Variants in GNG2 observed in about 807,000 individuals in gnomAD.
GNG2 encodes G protein subunit gamma 2.
Under a neutral mutation model 5.5 loss-of-function variants are expected in GNG2, and 5 were observed. That is an observed-to-expected ratio of 0.91 (90% CI 0.48 to 1.92). GNG2 has a LOEUF of 1.92. Among genes scored for constraint, GNG2 ranks in the 30% most tolerant of loss-of-function variants. The pLI, the probability that GNG2 is intolerant of heterozygous loss-of-function variation, is 0.01. For missense variants in GNG2, 55 were observed against 88.4 expected (o/e 0.62, Z 1.52); for synonymous variants, 28 against 32.0 (o/e 0.88, Z 0.42).
At position 51,836,856 on chromosome 14, in the gene GNG2, C is replaced by CTTT. The variant is rs369095215; in HGVS notation, c.64+9066_64+9068dup. On this transcript the variant is annotated intron_variant, in intron 2 of 3. Transcript: ENST00000553432. ...ATATTATGATTTTAAGTGACTTCAT[C>CTTT]TTTTTTTTTTTTTTTTTTTGAGACA... Among the ~76,000 whole-genome samples the CTTT allele has an allele frequency of 1.8e-4, 23 of 130,652 alleles. 2 individuals carry two copies. The highest frequency in any genetic ancestry group is 8.5e-4 in the East Asian group (4 of 4,726). The allele number at this position is 130,652 out of a possible 152,430, so 85.7% of individuals were successfully genotyped here. A position where few individuals can be genotyped will look rare whatever the true frequency, so the allele number is the denominator to read the frequency against.
At chr14:51,935,273 C>T (rs937479462) in intron 2 of GNG2, among the ~76,000 whole-genome samples, 1 of 152,132 alleles carries the variant, frequency 6.6e-6, no homozygotes, top group African/African-American at 2.4e-5. Context: ...GATCCGGCCG[C>T]CTCGGCCTCC....
At chr14:51,954,717 C>T (rs1038434612) in intron 3 of GNG2, among the ~76,000 whole-genome samples, 4 of 152,180 alleles carry the variant, frequency 2.6e-5, no homozygotes, top group African/African-American at 9.7e-5. Context: ...CTGCCTCTTC[C>T]TTTTCCTGGG....
intron 2 of GNG2, among the ~76,000 whole-genome samples, chr14:51,841,154 T>C (rs1881470962): frequency 6.6e-6 from 1 of 152,062 alleles, no homozygotes; most frequent in African/African-American, 2.4e-5. Context: ...AACTCCAAAC[T>C]TACAAATGGA....
intron 2 of GNG2, among the ~76,000 whole-genome samples, chr14:51,850,501 C>T (rs766298563): frequency 6.6e-6 from 1 of 152,176 alleles, no homozygotes; most frequent in Non-Finnish European, 1.5e-5. Context: ...CCTATGGTTA[C>T]TGACAGTCGG....
chr14:51,854,513 T>C (rs982611552), intron 2 of GNG2, among the ~76,000 whole-genome samples: 15 of 151,998 alleles, frequency 9.9e-5, no homozygotes, highest in Admixed American at 7.2e-4. Context: ...TTTCTTTGTT[T>C]TTATTTTTAT....
exon 2 of GNG2, chr14:51,827,739 G>A (rs1389015326): frequency 4.3e-6 from 3 of 701,828 alleles, no homozygotes. Flanking sequence ...CTCTGGTCTA[G>A]GGGCATGCAG....
intron 2 of GNG2, among the ~76,000 whole-genome samples, chr14:51,898,398 C>A (rs1006887247): frequency 6.6e-6 from 1 of 152,110 alleles, no homozygotes; most frequent in Non-Finnish European, 1.5e-5. Flanking sequence ...GGAAGGCACA[C>A]CACAGACCTG....
chr14:51,928,866 CCTGG>C (rs1194677637), intron 2 of GNG2, among the ~76,000 whole-genome samples: 1 of 152,106 alleles, frequency 6.6e-6, no homozygotes, highest in East Asian at 1.9e-4. Flanking sequence ...AGCCACCGCG[CCTGG>C]CCGGGTGTTT....
intron 2 of GNG2, among the ~76,000 whole-genome samples, chr14:51,911,302 G>A (rs8020243): frequency 0.11 from 16,303 of 152,152 alleles, 1,482 homozygotes; most frequent in African/African-American, 0.25. Flanking sequence ...ATTCTGTTAC[G>A]GGGTAGGGAA....
At chr14:51,841,559 G>T (rs758242349) in intron 2 of GNG2, 1 of 701,786 alleles carries the variant, frequency 1.4e-6, no homozygotes, top group Non-Finnish European at 2.6e-6. Context: ...GTTGGAGCCC[G>T]GATTTGAACC....
chr14:51,943,795 C>T (rs1266965684), intron 2 of GNG2, among the ~76,000 whole-genome samples: 2 of 135,260 alleles, frequency 1.5e-5, no homozygotes, highest in African/African-American at 5.0e-5. Context: ...TGAAAGAACA[C>T]ATAAATAAAT....
intron 2 of GNG2, among the ~76,000 whole-genome samples, chr14:51,909,802 A>G (rs1189041877): frequency 6.6e-6 from 1 of 152,250 alleles, no homozygotes; most frequent in African/African-American, 2.4e-5. Context: ...GCCAGAAATG[A>G]AGAGAAATGG....
chr14:51,900,901 T>C (rs1412277908), intron 2 of GNG2, among the ~76,000 whole-genome samples: 1 of 152,174 alleles, frequency 6.6e-6, no homozygotes, highest in Non-Finnish European at 1.5e-5. Flanking sequence ...TTTGTTTATT[T>C]AGGTTAGATA....
At chr14:51,950,518 A>G in intron 2 of GNG2, 132 bp from the exon 3 acceptor site, 1 of 587,694 alleles carries the variant, frequency 1.7e-6, no homozygotes, top group East Asian at 3.2e-5. Flanking sequence ...AATACCGACC[A>G]AGGATGGAGA....
intron 2 of GNG2, among the ~76,000 whole-genome samples, chr14:51,852,509 A>C (rs979429021): frequency 6.6e-6 from 1 of 152,238 alleles, no homozygotes; most frequent in Non-Finnish European, 1.5e-5. Context: ...ATGTGATAAG[A>C]GCTATAACCA....
At chr14:51,885,570 T>C (rs1170148637) in intron 2 of GNG2, among the ~76,000 whole-genome samples, 2 of 151,288 alleles carry the variant, frequency 1.3e-5, no homozygotes, top group African/African-American at 4.9e-5. Context: ...TTCTGTTTTC[T>C]ATCCCCTGCC....
chr14:51,831,271 T>C (rs1285382290), intron 2 of GNG2, among the ~76,000 whole-genome samples: 1 of 152,234 alleles, frequency 6.6e-6, no homozygotes, highest in African/African-American at 2.4e-5. Context: ...TGCCAACATC[T>C]AATTATTATC....
intron 2 of GNG2, among the ~76,000 whole-genome samples, chr14:51,945,837 C>T (rs1888611548): frequency 7.7e-6 from 1 of 129,962 alleles, no homozygotes; most frequent in Non-Finnish European, 1.7e-5. Flanking sequence ...GCTTAGAAGA[C>T]AAACTCTTAT....
intron 1 of GNG2, among the ~76,000 whole-genome samples, chr14:51,862,495 TAA>T (rs1363574866): frequency 6.6e-6 from 1 of 152,222 alleles, no homozygotes; most frequent in East Asian, 1.9e-4. Context: ...TGAAATGAAG[TAA>T]AAAGTTGGCA....
Sources: allele counts gnomAD v4.1 joint callset (sites outside exome capture counted in the v4.1 genomes callset), GRCh38; gene constraint gnomAD v4.1.1; transcripts MANE v1.5; gene names NCBI Gene and HGNC (gene_info 2026-07-23, HGNC 2026-07-21).